Variants in NKAIN3 observed in about 807,000 individuals in gnomAD.
NKAIN3 encodes sodium/potassium-transporting ATPase subunit beta-1-interacting protein 3.
NKAIN3 carries 25 observed loss-of-function variants against 30.2 expected under a neutral mutation model. The observed-to-expected ratio is 0.83, with a 90% CI of 0.60 to 1.16. NKAIN3 has a LOEUF of 1.16. Ranked by LOEUF, NKAIN3 falls within the 50% of genes most tolerant of loss-of-function variation. The pLI is 0.00. For missense variants in NKAIN3, 225 were observed against 254.1 expected, an observed-to-expected ratio of 0.89 and a Z score of 0.78; for synonymous variants, 91 against 89.6, an observed-to-expected ratio of 1.02 and a Z score of -0.09.
intron 1 of NKAIN3, among the ~76,000 whole-genome samples, chr8:62,456,268 T>G (rs1805813912): frequency 6.6e-6 from 1 of 152,146 alleles, no homozygotes; most frequent in South Asian, 2.1e-4. Flanking sequence ...ACGCCTGTAA[T>G]CCCAGAACTT....
Position 62,753,317 on chromosome 8 carries a change from A to G in NKAIN3, c.471+6188A>G, listed in dbSNP as rs188139190. Reference sequence around the variant, plus strand: ...CTGCTTGAAATAATCTCTATTATCAATTAATGTCATCCTACAGTGCTGTAT... The same window carrying G: ...CTGCTTGAAATAATCTCTATTATCAGTTAATGTCATCCTACAGTGCTGTAT... On this transcript the variant is annotated intron_variant, in intron 4 of 6. Transcript: ENST00000623646. Among the ~76,000 whole-genome samples the G allele has an allele frequency of 8.0e-4, 122 of 152,132 alleles. 1 individual carries two copies. The Middle Eastern group carries it at 0.01, about 13-fold the overall frequency.
intron 4 of NKAIN3, among the ~76,000 whole-genome samples, chr8:62,759,287 C>T (rs1418522126): frequency 6.6e-6 from 1 of 152,042 alleles, no homozygotes; most frequent in Non-Finnish European, 1.5e-5. Context: ...TGAAAACTTG[C>T]TAAATTTTAA....
intron 1 of NKAIN3, among the ~76,000 whole-genome samples, chr8:62,283,507 T>C (rs902961570): frequency 6.6e-6 from 1 of 152,170 alleles, no homozygotes; most frequent in Non-Finnish European, 1.5e-5. Flanking sequence ...AATTTTCCAG[T>C]ACCTGGATTA....
downstream of NKAIN3, among the ~76,000 whole-genome samples, chr8:62,985,920 T>C (rs1000379964): frequency 3.9e-5 from 6 of 152,230 alleles, no homozygotes; most frequent in African/African-American, 1.4e-4. Flanking sequence ...ACATAAAAAT[T>C]CATACTTTTT....
At chr8:62,498,753 T>C (rs755853243) in intron 1 of NKAIN3, among the ~76,000 whole-genome samples, 11 of 151,334 alleles carry the variant, frequency 7.3e-5, no homozygotes, top group Non-Finnish European at 1.6e-4. Context: ...TGCTATATAG[T>C]AGGACTTGGG....
chr8:62,818,344 G>A lies in NKAIN3; in HGVS notation c.471+71215G>A, dbSNP rs536831135. On this transcript the variant is annotated intron_variant, in intron 4 of 6. Transcript: ENST00000623646. The stretch of plus-strand genomic sequence containing the variant: ...AAAGTTTCAAAACTAAGGTTATATA[G>A]TTATACAAATATCAAATTGCTTTTA... Among the ~76,000 whole-genome samples the A allele has an allele frequency of 2.0e-5, 3 of 152,198 alleles. No homozygotes were observed. In the East Asian group the frequency reaches 5.8e-4, roughly 29 times the overall value.
intron 3 of NKAIN3, among the ~76,000 whole-genome samples, chr8:62,609,586 G>T (rs1219490692): frequency 6.6e-6 from 1 of 152,072 alleles, no homozygotes; most frequent in African/African-American, 2.4e-5. Context: ...TTATTCTGGG[G>T]AAAGAGACAT....
At chr8:62,284,395 C>T (rs897101529) in intron 1 of NKAIN3, among the ~76,000 whole-genome samples, 7 of 151,886 alleles carry the variant, frequency 4.6e-5, no homozygotes, top group Admixed American at 1.3e-4. Context: ...TTTGGGAGGT[C>T]GAGGGCAGAT....
chr8:62,788,552 G>T (rs1472026310), intron 4 of NKAIN3, among the ~76,000 whole-genome samples: 4 of 152,154 alleles, frequency 2.6e-5, no homozygotes, highest in Non-Finnish European at 5.9e-5. Context: ...GATTCCGTTT[G>T]TCAATTTTGG....
rs547524614 is a variant in NKAIN3 at position 62,307,744 on chromosome 8, C to T, written c.54+58617C>T. Among the ~76,000 whole-genome samples, 195 of 150,776 alleles carry T rather than the reference C, an allele frequency of 1.3e-3. 2 individuals are homozygous for T. Among genetic ancestry groups the T allele is most frequent in the Non-Finnish European group, 2.0e-3 (133 of 68,000 alleles). The stretch of plus-strand genomic sequence containing the variant: ...AACTGTAAACAAATAATTCTCTAAG[C>T]GCAACATGAGAAATATTATGTGAAC... On this transcript the variant is annotated intron_variant, in intron 1 of 6. Coordinates refer to ENST00000623646, the MANE Select transcript of NKAIN3 (RefSeq NM_001304533.3).
intron 4 of NKAIN3, among the ~76,000 whole-genome samples, chr8:62,753,897 T>C (rs1413827388): frequency 1.3e-5 from 2 of 152,246 alleles, no homozygotes; most frequent in African/African-American, 2.4e-5. Flanking sequence ...CAATTTATAG[T>C]ACATCAACTT....
At chr8:62,250,469 T>C (rs1291530344) in intron 1 of NKAIN3, among the ~76,000 whole-genome samples, 1 of 152,222 alleles carries the variant, frequency 6.6e-6, no homozygotes, top group Non-Finnish European at 1.5e-5. Context: ...TATGAATGTT[T>C]TCTTTCACTA....
chr8:62,844,282 A>G (rs1279649075), intron 4 of NKAIN3, among the ~76,000 whole-genome samples: 1 of 152,138 alleles, frequency 6.6e-6, no homozygotes, highest in Non-Finnish European at 1.5e-5. Context: ...ATAATGGGGG[A>G]ACTCTCCAGA....
At chr8:62,642,255 C>T (rs1283730381) in intron 3 of NKAIN3, among the ~76,000 whole-genome samples, 1 of 152,114 alleles carries the variant, frequency 6.6e-6, no homozygotes, top group African/African-American at 2.4e-5. Context: ...CACCATGTAG[C>T]ATGACATAGC....
intron 1 of NKAIN3, among the ~76,000 whole-genome samples, chr8:62,272,025 C>A (rs544957319): frequency 1.3e-5 from 2 of 152,276 alleles, no homozygotes; most frequent in African/African-American, 4.8e-5. Context: ...GCCCTCCAAC[C>A]AGTCTCAGAT....
rs974795255 is a variant in NKAIN3 at position 62,967,405 on chromosome 8, T to TA, written c.*2005dup. ...TGAGGTGAGAATTTAACGAAAAATG[T>TA]AAAAAAATTCTCAGTACACAGTGAA... is the stretch of plus-strand genomic sequence containing the variant. On this transcript the variant is annotated 3_prime_UTR_variant, in exon 7 of 7. Coordinates refer to ENST00000623646, the MANE Select transcript of NKAIN3 (RefSeq NM_001304533.3). 2.6e-5 allele frequency among the ~76,000 whole-genome samples: 4 copies of TA among 152,002 alleles called. No individual in the cohort carries two copies. Among genetic ancestry groups the TA allele is most frequent in the South Asian group, 4.1e-4 (2 of 4,824 alleles).
intron 4 of NKAIN3, among the ~76,000 whole-genome samples, chr8:62,797,246 T>G (rs911689197): frequency 6.6e-6 from 1 of 152,208 alleles, no homozygotes; most frequent in African/African-American, 2.4e-5. Flanking sequence ...CTTACATAAA[T>G]GGGCTCTCTT....
At chr8:62,898,475 A>G (rs561042970) in intron 4 of NKAIN3, among the ~76,000 whole-genome samples, 2 of 152,246 alleles carry the variant, frequency 1.3e-5, no homozygotes, top group South Asian at 4.2e-4. Flanking sequence ...ACCAAATATC[A>G]TGTGTTCTCA....
chr8:62,836,229 A>T (rs546766997), intron 4 of NKAIN3, among the ~76,000 whole-genome samples: 2 of 152,068 alleles, frequency 1.3e-5, no homozygotes, highest in Non-Finnish European at 2.9e-5. Context: ...TGCTCTCCTC[A>T]CTACCTGGGT....
Sources: gnomAD v4.1 joint callset for allele counts (sites outside exome capture counted in the v4.1 genomes callset) on GRCh38, gnomAD v4.1.1 for gene constraint, MANE v1.5 for transcripts, NCBI Gene and HGNC (gene_info 2026-07-23, HGNC 2026-07-21) for gene names.